Variants in TENT5B observed in about 807,000 individuals in gnomAD.
TENT5B encodes the protein terminal nucleotidyltransferase 5B.
TENT5B carries 12 observed loss-of-function variants against 21.7 expected under a neutral mutation model. The ratio of observed to expected loss-of-function variants is 0.55; its 90% CI spans 0.36 to 0.90. The LOEUF (loss-of-function observed/expected upper bound fraction) is 0.90, where lower values mean the gene tolerates loss of function less well. Ranked by LOEUF, TENT5B falls within the 40% of genes least tolerant of loss-of-function variation. TENT5B has a pLI of 0.01. For synonymous variants in TENT5B, 262 were observed against 266.6 expected (o/e 0.98, Z 0.17); for missense variants, 540 against 601.5 (o/e 0.90, Z 1.07).
chr1:27,007,372 GA>G (rs1019838310), intron 1 of TENT5B, among the ~76,000 whole-genome samples: 3 of 151,374 alleles, frequency 2.0e-5, no homozygotes, highest in African/African-American at 7.3e-5. Flanking sequence ...GCAGAGCTGG[GA>G]ATAAAACTCC....
In TENT5B at chr1:27,012,584, TGCCGTGGCCACC is replaced by T. The variant is rs536948702; in HGVS notation, c.75_86del (p.Val26_Ala29del). 239 of 1,537,798 alleles carry T rather than the reference TGCCGTGGCCACC, an allele frequency of 1.6e-4. 1 individual carries two copies. The South Asian group carries it at 2.4e-3, about 15-fold the overall frequency. On this transcript the variant is annotated inframe_deletion, in exon 1 of 2. Transcript: ENST00000289166. ...GGTCGGGGCCGCCGCCTGCCGGGGC[TGCCGTGGCCACC>T]GCCGTGGCCGCAGCCGTCCCCACCT...
intron 1 of TENT5B, among the ~76,000 whole-genome samples, chr1:27,009,697 AGCCTTACTCAGT>A (rs2082615649): frequency 6.6e-6 from 1 of 152,214 alleles, no homozygotes; most frequent in African/African-American, 2.4e-5. Context: ...GGGCTGACTG[AGCCTTACTCAGT>A]GCCAGCTCCT....
At chr1:27,007,492 A>C (rs907794853) in intron 1 of TENT5B, among the ~76,000 whole-genome samples, 1 of 151,744 alleles carries the variant, frequency 6.6e-6, no homozygotes, top group African/African-American at 2.4e-5. Context: ...CCCGAGTTCA[A>C]GTGATTCTCC....
chr1:27,007,238 C>G (rs1387223845), intron 1 of TENT5B, among the ~76,000 whole-genome samples: 5 of 152,044 alleles, frequency 3.3e-5, no homozygotes, highest in Non-Finnish European at 7.4e-5. Context: ...ATTTACTAAA[C>G]AGCAGGTCAC....
rs1385324627 is a variant in TENT5B at position 27,012,673 on chromosome 1, G to A, written c.-3C>T. ...GCTCCGCTCTCCGACGGCATCATCC[G>A]CCCGGCCCCCGGGCCCCGACGGCAG... On this transcript the variant is annotated 5_prime_UTR_variant, in exon 1 of 2. Transcript: ENST00000289166. The A allele has an allele frequency of 2.1e-6, 3 of 1,459,064 alleles. No homozygotes were observed. Among genetic ancestry groups the A allele is most frequent in the South Asian group, 2.7e-5 (2 of 73,556 alleles). The allele number at this position is 1,459,064 out of a possible 1,614,324, so 90.4% of individuals were successfully genotyped here.
Position 27,006,001 on chromosome 1 carries a change from CA to C in TENT5B, c.1220del (p.Val407GlyfsTer138). 1 of 1,603,220 alleles carries C rather than the reference CA, an allele frequency of 6.2e-7. No homozygotes were observed. The highest frequency in any genetic ancestry group is 8.5e-7 in the Non-Finnish European group (1 of 1,173,444). ...GVVPATVNYY[V>X]TPVQPLLAHA... ...GAGCCAGGAGAGGTTGCACGGGGGTCACGTAGTAATTGACAGTGGCTGGCAC... is the reference window on the plus strand; with the variant it reads ...GAGCCAGGAGAGGTTGCACGGGGGTCCGTAGTAATTGACAGTGGCTGGCAC... On this transcript the variant is annotated frameshift_variant, in exon 2 of 2. Coordinates refer to ENST00000289166, the MANE Select transcript of TENT5B (RefSeq NM_052943.4). LOFTEE classifies it high-confidence loss of function. The surrounding 1 kb of genome is among the most constrained non-coding windows in gnomAD (Gnocchi z 9.4).
At chr1:27,007,091 TAAC>T in intron 1 of TENT5B, 134 bp from the exon 2 acceptor site, 1 of 152,398 alleles carries the variant, frequency 6.6e-6, no homozygotes, top group Non-Finnish European at 1.2e-5. Flanking sequence ...GAAAATCATT[TAAC>T]TTTTTTTTTT....
At position 27,012,330 on chromosome 1, in the gene TENT5B, A is replaced by G. The variant is rs1178225827; in HGVS notation, c.264+77T>C. The G allele has an allele frequency of 1.9e-6, 3 of 1,546,258 alleles. No individual in the cohort carries two copies. The Admixed American group carries it at 5.8e-5, about 30-fold the overall frequency. Reference sequence around the variant, plus strand: ...GTTTCCCTAGCTGTCTAGAAAGTCAAACAGACTACAAATGCCTTCCAGCCA... The same window carrying G: ...GTTTCCCTAGCTGTCTAGAAAGTCAGACAGACTACAAATGCCTTCCAGCCA... On this transcript the variant is annotated intron_variant, in intron 1 of 1. Transcript: ENST00000289166.
At chr1:27,012,293 C>T in intron 1 of TENT5B, 114 bp downstream of exon 1, 6 of 1,471,590 alleles carry the variant, frequency 4.1e-6, no homozygotes, top group Non-Finnish European at 5.5e-6. Context: ...ACAGCCATGT[C>T]CCCGTTCCTC....
rs935286421 is a variant in TENT5B at position 27,005,858 on chromosome 1, G to A, written c.*86C>T. On this transcript the variant is annotated 3_prime_UTR_variant, in exon 2 of 2. Coordinates refer to ENST00000289166, the MANE Select transcript of TENT5B (RefSeq NM_052943.4). Reference sequence around the variant, plus strand: ...TGCTGGGCCTCCTGGCACATTCTGCGCCTCTGGTCATGTCCTCCACACACT... The same window carrying A: ...TGCTGGGCCTCCTGGCACATTCTGCACCTCTGGTCATGTCCTCCACACACT... 59 of 1,483,636 alleles carry A rather than the reference G, an allele frequency of 4.0e-5. No homozygotes were observed. The highest frequency in any genetic ancestry group is 4.8e-5 in the Non-Finnish European group (53 of 1,110,014). The allele number at this position is 1,483,636 out of a possible 1,614,324, so 91.9% of individuals were successfully genotyped here.
rs1240004943 is a variant in TENT5B, at chr1:27,005,635, C to T, written c.*309G>A. On this transcript the variant is annotated 3_prime_UTR_variant, in exon 2 of 2. Transcript: ENST00000289166. ...AAGGTGCTGGGCATTAAGGCTACCA[C>T]CCCAAACTTGCTTTGTCTCCTGAAG... 1 of 382,276 alleles carries T rather than the reference C, an allele frequency of 2.6e-6. No individual in the cohort carries two copies. Among genetic ancestry groups the T allele is most frequent in the East Asian group, 4.1e-5 (1 of 24,116 alleles). The allele number at this position is 382,276 out of a possible 1,614,324, so 23.7% of individuals were successfully genotyped here.
rs760083526 is a variant in TENT5B, at chr1:27,006,248, C to T, written c.974G>A (p.Arg325His). The T allele has an allele frequency of 1.9e-6, 3 of 1,612,410 alleles. No homozygotes were observed. Among genetic ancestry groups the T allele is most frequent in the Non-Finnish European group, 2.5e-6 (3 of 1,179,654 alleles). The change falls in exon 2 of 2, where the codon CGC (arginine) becomes CAC (histidine). Residue 325 changes from arginine to histidine, a missense_variant. Coordinates refer to ENST00000289166, the MANE Select transcript of TENT5B (RefSeq NM_052943.4). The surrounding 1 kb of genome is among the most constrained non-coding windows in gnomAD (Gnocchi z 9.4). ...DLVEQRRTLERYLEAHFGGAD... is the reference protein window; with the variant it reads ...DLVEQRRTLEHYLEAHFGGAD... ...CCCACCGAAGTGGGCCTCCAGGTAG[C>T]GCTCTAGGGTGCGCCGCTGCTCCAC...
rs1455869766 is a variant in TENT5B, at chr1:27,006,908, C to T, written c.314G>A (p.Arg105Gln). The T allele has an allele frequency of 9.9e-6, 16 of 1,612,178 alleles. No homozygotes were observed. The Admixed American group carries it at 1.3e-4, about 13-fold the overall frequency. The change falls in exon 2 of 2, where the codon CGG (arginine) becomes CAG (glutamine). Residue 105 changes from arginine (R) to glutamine (Q), a missense_variant. Coordinates refer to ENST00000289166, the MANE Select transcript of TENT5B (RefSeq NM_052943.4). The surrounding 1 kb of genome is among the most constrained non-coding windows in gnomAD (Gnocchi z 9.4). ...GTGGCTGGCAGCTGAACCATGCAGC[C>T]GCACACTGTGCACATGTAGTCCCTG... ...EEQGLHVHSVRLHGSAASHVL... is the reference protein window; with the variant it reads ...EEQGLHVHSVQLHGSAASHVL...
chr1:27,012,807 C>T lies in TENT5B; in HGVS notation c.-137G>A. 1 of 1,149,036 alleles carries T rather than the reference C, an allele frequency of 8.7e-7. No homozygotes were observed. Among genetic ancestry groups the T allele is most frequent in the South Asian group, 1.9e-5 (1 of 53,196 alleles). The allele number at this position is 1,149,036 out of a possible 1,614,324, so 71.2% of individuals were successfully genotyped here. ...GGCGGCAACGACGGCGAGACAAAGC[C>T]AGGGAACACCTCAGACGGCGACGAC... On this transcript the variant is annotated 5_prime_UTR_variant, in exon 1 of 2. Transcript: ENST00000289166.
At position 27,012,476 on chromosome 1, in the gene TENT5B, G is replaced by T; in HGVS notation, c.195C>A (p.Ser65Arg). ...CGCGCCCGTGAATGGGAATCGGCTC[G>T]CTCAGAAGAGCGTCCAGTCGCTTCA... ...PQVKRLDALL[S>R]EPIPIHGRGN... The change falls in exon 1 of 2, where the codon AGC becomes AGA. Residue 65 changes from serine to arginine, a missense_variant. Coordinates refer to ENST00000289166, the MANE Select transcript of TENT5B (RefSeq NM_052943.4). 1 of 1,605,516 alleles carries T rather than the reference G, an allele frequency of 6.2e-7. No homozygotes were observed.
At chr1:27,009,043 G>A (rs566545520) in intron 1 of TENT5B, among the ~76,000 whole-genome samples, 1 of 113,234 alleles carries the variant, frequency 8.8e-6, no homozygotes, top group South Asian at 3.1e-4. Context: ...AGGGTGGAAT[G>A]CAGTGAATGC....
chr1:27,005,825 C>A lies in TENT5B; in HGVS notation c.*119G>T. On this transcript the variant is annotated 3_prime_UTR_variant, in exon 2 of 2. Transcript: ENST00000289166. ...CTGGTCTGTTCAATCAAAGGCCCAA[C>A]CCTGCAGTGCTGGGCCTCCTGGCAC... The A allele has an allele frequency of 1.5e-6, 2 of 1,374,376 alleles. No individual in the cohort carries two copies. Among genetic ancestry groups the A allele is most frequent in the Non-Finnish European group, 9.8e-7 (1 of 1,018,888 alleles). The allele number at this position is 1,374,376 out of a possible 1,614,324, so 85.1% of individuals were successfully genotyped here. A position where few individuals can be genotyped will look rare whatever the true frequency, so the allele number is the denominator to read the frequency against.
chr1:27,005,595 C>T lies in TENT5B; in HGVS notation c.*349G>A. ...CTTAGTCAAAAAGACCCTCTTAGAC[C>T]ATGGGAATCAATCCAAGGTGCTGGG... On this transcript the variant is annotated 3_prime_UTR_variant, in exon 2 of 2. Coordinates refer to ENST00000289166, the MANE Select transcript of TENT5B (RefSeq NM_052943.4). The T allele has an allele frequency of 3.6e-6, 1 of 281,568 alleles. No homozygotes were observed. Among genetic ancestry groups the T allele is most frequent in the Non-Finnish European group, 6.7e-6 (1 of 149,490 alleles). The allele number at this position is 281,568 out of a possible 1,614,324, so 17.4% of individuals were successfully genotyped here.
chr1:27,005,731 C>T lies in TENT5B; in HGVS notation c.*213G>A. 1 of 567,168 alleles carries T rather than the reference C, an allele frequency of 1.8e-6. No individual in the cohort carries two copies. Among genetic ancestry groups the T allele is most frequent in the Non-Finnish European group, 2.9e-6 (1 of 346,528 alleles). The allele number at this position is 567,168 out of a possible 1,614,324, so 35.1% of individuals were successfully genotyped here. ...CTGGTCCAAAAGTGTGATGCAATAA[C>T]CAAAGGGTCCTCCTGCTGAGAGCCC... On this transcript the variant is annotated 3_prime_UTR_variant, in exon 2 of 2. Coordinates refer to ENST00000289166, the MANE Select transcript of TENT5B (RefSeq NM_052943.4).
Sources: gnomAD v4.1 joint callset for allele counts (sites outside exome capture counted in the v4.1 genomes callset) on GRCh38, gnomAD v4.1.1 for gene constraint, Gnocchi (gnomAD v3.1) non-coding constraint, MANE v1.5 for transcripts, NCBI Gene and HGNC (gene_info 2026-07-23, HGNC 2026-07-21) for gene names.